PARD3: variants seen among roughly 807,000 people sequenced by gnomAD.
PARD3 encodes par-3 family cell polarity regulator, also known as partitioning defective 3 homolog.
Under a neutral mutation model 155.4 loss-of-function variants are expected in PARD3, and 75 were observed. The ratio of observed to expected loss-of-function variants is 0.48; its 90% confidence interval spans 0.40 to 0.58. PARD3 has a LOEUF of 0.58. Ranked by LOEUF, PARD3 falls within the 20% of genes least tolerant of loss-of-function variation. The probability of loss-of-function intolerance (pLI) is 0.00; values close to 1 mark genes in which losing one functional copy is unlikely to be tolerated. For synonymous variants in PARD3, 576 were observed against 610.5 expected (o/e 0.94, Z 0.83); for missense variants, 1,642 against 1,721.7 (o/e 0.95, Z 0.82).
chr10:34,361,046 T>A (rs1263955035), intron 12 of PARD3, among the ~76,000 whole-genome samples: 1 of 152,192 alleles, frequency 6.6e-6, no homozygotes, highest in Admixed American at 6.5e-5. Context: ...TAAAATGCAT[T>A]AAGATGACAG....
intron 2 of PARD3, among the ~76,000 whole-genome samples, chr10:34,683,298 G>C (rs1330533776): frequency 1.3e-5 from 2 of 151,972 alleles, no homozygotes; most frequent in African/African-American, 4.8e-5. Flanking sequence ...TACACTCACA[G>C]TTTAGGTGAT....
chr10:34,514,967 T>C (rs1202651394), intron 3 of PARD3, among the ~76,000 whole-genome samples: 1 of 152,214 alleles, frequency 6.6e-6, no homozygotes, highest in Non-Finnish European at 1.5e-5. Context: ...CAACAGAAAG[T>C]TCTGTATTTA....
intron 1 of PARD3, among the ~76,000 whole-genome samples, chr10:34,707,358 T>C (rs2133593421): frequency 6.6e-6 from 1 of 152,208 alleles, no homozygotes; most frequent in Non-Finnish European, 1.5e-5. Flanking sequence ...TTTAAAGTGG[T>C]GGTTCTCCAA....
At chr10:34,384,695 A>G (rs950237865) in intron 7 of PARD3, among the ~76,000 whole-genome samples, 2 of 152,232 alleles carry the variant, frequency 1.3e-5, no homozygotes, top group Non-Finnish European at 2.9e-5. Flanking sequence ...GTAATGAGGA[A>G]AAGCTAACCT....
intron 1 of PARD3, among the ~76,000 whole-genome samples, chr10:34,730,823 G>A (rs1004157290): frequency 6.6e-6 from 1 of 152,050 alleles, no homozygotes; most frequent in Non-Finnish European, 1.5e-5. Context: ...TTTGAAAAAC[G>A]TACTCCATTA....
intron 1 of PARD3, among the ~76,000 whole-genome samples, chr10:34,762,007 A>AT (rs1837504298): frequency 6.6e-6 from 1 of 152,168 alleles, no homozygotes; most frequent in African/African-American, 2.4e-5. Flanking sequence ...AGAGCATTCA[A>AT]TTTTATTTCA....
intron 20 of PARD3, among the ~76,000 whole-genome samples, chr10:34,301,077 C>T (rs750154363): frequency 2.0e-5 from 3 of 152,154 alleles, no homozygotes; most frequent in Non-Finnish European, 2.9e-5. Flanking sequence ...AAATCTGGCA[C>T]AGGTTTTGCG....
intron 5 of PARD3, among the ~76,000 whole-genome samples, chr10:34,429,271 ATT>A (rs2075777842): frequency 6.6e-6 from 1 of 152,090 alleles, no homozygotes; most frequent in African/African-American, 2.4e-5. Context: ...GTATATATAT[ATT>A]ATATAGTCAT....
chr10:34,629,400 A>G lies in PARD3; in HGVS notation c.222+66918T>C, dbSNP rs533953886. On this transcript the variant is annotated intron_variant, in intron 2 of 24. Coordinates refer to ENST00000374788, the MANE Select transcript of PARD3 (RefSeq NM_001184785.2). Reference sequence around the variant, plus strand: ...TCTGCATGTACAAAAGTAGTGATCCAAAGGCACAAAGGGGGGTATTTCCTC... The same window carrying G: ...TCTGCATGTACAAAAGTAGTGATCCGAAGGCACAAAGGGGGGTATTTCCTC... Among the ~76,000 whole-genome samples, 174 of 130,456 alleles carry G rather than the reference A, an allele frequency of 1.3e-3. 1 individual carries two copies. Among genetic ancestry groups the G allele is most frequent in the African/African-American group, 4.7e-3 (163 of 34,840 alleles). 85.6% of individuals were successfully genotyped at this position (130,456 alleles called of 152,430 possible).
Position 34,314,405 on chromosome 10 carries a change from C to A in PARD3, c.3065+2702G>T, listed in dbSNP as rs74131696. Among the ~76,000 whole-genome samples, 4 of 152,108 alleles carry A rather than the reference C, an allele frequency of 2.6e-5. No homozygotes were observed. The South Asian group carries it at 6.2e-4, about 24-fold the overall frequency. On this transcript the variant is annotated intron_variant, in intron 20 of 24. Transcript: ENST00000374788. ...CATTCAATAACAAAAAAGCTTATTT[C>A]GTGTTTAATATATTATTCTGAACTC...
intron 1 of PARD3, among the ~76,000 whole-genome samples, chr10:34,698,775 C>T (rs1242645416): frequency 1.3e-5 from 2 of 152,214 alleles, no homozygotes; most frequent in African/African-American, 2.4e-5. Context: ...AAGCGTGAGC[C>T]TTTAAAGGCT....
intron 22 of PARD3, among the ~76,000 whole-genome samples, chr10:34,150,651 C>T (rs1468127560): frequency 6.6e-6 from 1 of 152,104 alleles, no homozygotes; most frequent in Non-Finnish European, 1.5e-5. Flanking sequence ...AATCTCGCTG[C>T]TCCCTCCAGC....
In PARD3 at chr10:34,795,786, C is replaced by G. The variant is rs1249276146; in HGVS notation, c.120+19090G>C. On this transcript the variant is annotated intron_variant, in intron 1 of 24. Transcript: ENST00000374788. ...GTGCATGCCTGTAATCCCAGCTACT[C>G]AGGAGGCTGAGGCAGGAGAATCGCT... 7.9e-5 allele frequency among the ~76,000 whole-genome samples: 12 copies of G among 152,156 alleles called. No individual in the cohort carries two copies. The East Asian group carries it at 2.3e-3, about 29-fold the overall frequency.
At chr10:34,520,497 T>A (rs890525435) in intron 2 of PARD3, among the ~76,000 whole-genome samples, 3 of 152,184 alleles carry the variant, frequency 2.0e-5, no homozygotes, top group African/African-American at 7.2e-5. Flanking sequence ...TAAAATCAGT[T>A]TATCTGACAG....
intron 5 of PARD3, among the ~76,000 whole-genome samples, chr10:34,431,485 T>C (rs767895864): frequency 1.9e-4 from 29 of 152,192 alleles, no homozygotes; most frequent in Non-Finnish European, 7.3e-5. Flanking sequence ...CTCACGCCTG[T>C]AATCCCAGCA....
intron 4 of PARD3, among the ~76,000 whole-genome samples, chr10:34,456,550 G>A (rs1409384367): frequency 6.6e-6 from 1 of 151,982 alleles, no homozygotes; most frequent in East Asian, 1.9e-4. Context: ...CGCTCACCTC[G>A]GCCTCCCAAA....
In PARD3 at chr10:34,365,947, T is replaced by C. The variant is rs75266096; in HGVS notation, c.1708-5688A>G. Among the ~76,000 whole-genome samples the C allele has an allele frequency of 1.7e-3, 261 of 152,262 alleles. 6 individuals are homozygous for C. The East Asian group carries it at 0.04, about 23-fold the overall frequency. On this transcript the variant is annotated intron_variant, in intron 12 of 24. Transcript: ENST00000374788. ...CTAGGCTCACAGACACAAATATATA[T>C]ATGAAAAAATACATTAAAATGATGA...
Position 34,111,538 on chromosome 10 carries a change from C to A in PARD3, c.3693G>T (p.Ser1231=), listed in dbSNP as rs765941544. The A allele has an allele frequency of 6.3e-7, 1 of 1,596,206 alleles. No homozygotes were observed. The highest frequency in any genetic ancestry group is 8.6e-7 in the Non-Finnish European group (1 of 1,167,968). The part of the protein sequence containing the change: ...LPRQSRKNAS[S]VSQDSWEQNY... The stretch of plus-strand genomic sequence containing the variant: ...TCTGCTCCCAAGAGTCCTGGGAGAC[C>A]GAGCTGGCATTTTTCCTGCTTTGCC... The change falls in exon 25 of 25, where the codon TCG becomes TCT. Residue 1231 remains serine (S), a synonymous_variant. Transcript: ENST00000374788.
intron 23 of PARD3, among the ~76,000 whole-genome samples, chr10:34,130,003 C>G (rs909715005): frequency 2.0e-5 from 3 of 151,882 alleles, no homozygotes; most frequent in Non-Finnish European, 4.4e-5. Context: ...TCCTTCTGTC[C>G]TACTCTTCCA....
Sources: allele counts gnomAD v4.1 joint callset (sites outside exome capture counted in the v4.1 genomes callset), GRCh38; gene constraint gnomAD v4.1.1; transcripts MANE v1.5; gene names NCBI Gene and HGNC (gene_info 2026-07-23, HGNC 2026-07-21).